The following LRRC37A2 variants were observed in gnomAD, a reference collection of about 807,000 sequenced individuals.
The protein encoded by LRRC37A2 is leucine rich repeat containing 37 member A2, also known as leucine-rich repeat-containing protein 37A2.
In LRRC37A2, 9 loss-of-function variants were observed where a neutral mutation model predicts 68.8. The observed-to-expected ratio is 0.13, with a 90% CI of 0.08 to 0.23. The LOEUF (loss-of-function observed/expected upper bound fraction) is 0.23. Ranked by LOEUF, LRRC37A2 falls within the 10% of genes least tolerant of loss-of-function variation. The probability of loss-of-function intolerance (pLI) is 1.00; values close to 1 mark genes in which losing one functional copy is unlikely to be tolerated. For missense variants in LRRC37A2, 168 were observed against 950.4 expected (o/e 0.18, Z 10.82); for synonymous variants, 63 against 367.6 (o/e 0.17, Z 9.48).
chr17:46,835,828 A>G, the LRRC37A2 span, among the ~76,000 whole-genome samples: 3 of 152,038 alleles, frequency 2.0e-5, no homozygotes, highest in Non-Finnish European at 2.9e-5. Flanking sequence ...TTCACTCCCC[A>G]CCTCTGCACC....
the LRRC37A2 span, among the ~76,000 whole-genome samples, chr17:47,022,168 C>CTTTTTTTTTTTTTTTTTTTTTTT: frequency 3.6e-4 from 7 of 19,716 alleles, no homozygotes; most frequent in African/African-American, 6.8e-4. Flanking sequence ...TTTTTGTTCT[C>CTTTTTTTTTTTTTTTTTTTTTTT]TTTTTTTTTT....
the LRRC37A2 span, chr17:47,024,616 A>G: frequency 1.5e-5 from 16 of 1,054,296 alleles, no homozygotes; most frequent in African/African-American, 2.0e-4. Context: ...TGCAGGAGAC[A>G]GTCCTGTGTA....
the LRRC37A2 span, among the ~76,000 whole-genome samples, chr17:46,995,532 G>A: frequency 6.6e-6 from 1 of 151,918 alleles, no homozygotes; most frequent in Non-Finnish European, 1.5e-5. Flanking sequence ...AAAAAAAGGA[G>A]AGTACTCTTC....
At chr17:46,778,786 C>T in the LRRC37A2 span, among the ~76,000 whole-genome samples, 1 of 152,040 alleles carries the variant, frequency 6.6e-6, no homozygotes, top group Non-Finnish European at 1.5e-5. Context: ...GCTCGAAGCA[C>T]CTCTCCACTG....
chr17:47,047,742 A>T, the LRRC37A2 span, among the ~76,000 whole-genome samples: 2 of 151,876 alleles, frequency 1.3e-5, no homozygotes, highest in African/African-American at 4.8e-5. Context: ...GAAGCCTGAG[A>T]GCTTCTGGTT....
the LRRC37A2 span, among the ~76,000 whole-genome samples, chr17:46,809,693 T>C: frequency 1.2e-4 from 19 of 152,214 alleles, no homozygotes; most frequent in African/African-American, 2.4e-5. Flanking sequence ...AATCTCACTC[T>C]GGGTCTGGCC....
chr17:46,877,991 A>G, the LRRC37A2 span, among the ~76,000 whole-genome samples: 1 of 152,220 alleles, frequency 6.6e-6, no homozygotes, highest in Non-Finnish European at 1.5e-5. Context: ...AGCACCTGCC[A>G]AGGCCCTCTG....
the LRRC37A2 span, among the ~76,000 whole-genome samples, chr17:46,871,078 T>C: frequency 6.6e-6 from 1 of 151,852 alleles, no homozygotes; most frequent in African/African-American, 2.4e-5. Context: ...GCCCACATAA[T>C]TTTTCTATTT....
the LRRC37A2 span, among the ~76,000 whole-genome samples, chr17:46,908,499 G>A: frequency 6.6e-6 from 1 of 152,142 alleles, no homozygotes; most frequent in East Asian, 1.9e-4. Flanking sequence ...GCTGGATGTG[G>A]AAGAGAGAAG....
the LRRC37A2 span, among the ~76,000 whole-genome samples, chr17:46,982,752 T>C: frequency 6.6e-6 from 1 of 152,186 alleles, no homozygotes; most frequent in Admixed American, 6.5e-5. Context: ...GAGAGAGACC[T>C]TGGGCTTGTG....
chr17:46,777,654 G>A, the LRRC37A2 span, among the ~76,000 whole-genome samples: 48 of 152,244 alleles, frequency 3.2e-4, no homozygotes, highest in Non-Finnish European at 6.5e-4. Flanking sequence ...CTTGCTCTGT[G>A]CCAGTCACTT....
At chr17:46,862,155 C>A in the LRRC37A2 span, among the ~76,000 whole-genome samples, 1 of 125,976 alleles carries the variant, frequency 7.9e-6, no homozygotes. Context: ...AAGAGTGAAA[C>A]TCCGTCTCAA....
the LRRC37A2 span, chr17:46,935,633 G>A: frequency 5.0e-5 from 51 of 1,012,822 alleles, no homozygotes; most frequent in Non-Finnish European, 5.8e-5. Flanking sequence ...TGCAGTGTTA[G>A]GGCTGCCTGG....
chr17:46,941,990 T>A, the LRRC37A2 span: 1 of 980,556 alleles, frequency 1.0e-6, no homozygotes, highest in East Asian at 1.1e-4. Context: ...ACTTGTTAAG[T>A]CCAAAATAAA....
chr17:46,656,040 T>C, the LRRC37A2 span, among the ~76,000 whole-genome samples: 1 of 27,296 alleles, frequency 3.7e-5, no homozygotes, highest in Non-Finnish European at 5.8e-5. Flanking sequence ...TTTATGACTT[T>C]TATTATCTTA....
chr17:46,734,243 T>C, the LRRC37A2 span, among the ~76,000 whole-genome samples: 1 of 152,244 alleles, frequency 6.6e-6, no homozygotes, highest in Non-Finnish European at 1.5e-5. Flanking sequence ...TCTCTCCATC[T>C]ATTTGTTCAA....
At chr17:46,851,570 C>G in the LRRC37A2 span, 4 of 870,220 alleles carry the variant, frequency 4.6e-6, no homozygotes, top group African/African-American at 7.1e-5. The surrounding 1 kb of genome is among the most constrained non-coding windows in gnomAD (Gnocchi z 4.3). Context: ...GTCCCGCGGG[C>G]GGGTGGTGGC....
At chr17:46,585,083 T>A in the LRRC37A2 span, among the ~76,000 whole-genome samples, 1 of 75,760 alleles carries the variant, frequency 1.3e-5, no homozygotes, top group African/African-American at 4.6e-5. Context: ...CGGGTGGATC[T>A]CTTGAGGTCA....
chr17:46,814,163 C>T, the LRRC37A2 span, among the ~76,000 whole-genome samples: 1 of 152,154 alleles, frequency 6.6e-6, no homozygotes, highest in South Asian at 2.1e-4. Flanking sequence ...GGGTGATACT[C>T]AGACTCCACC....
Sources: gnomAD v4.1 joint callset for allele counts (sites outside exome capture counted in the v4.1 genomes callset) on GRCh38, gnomAD v4.1.1 for gene constraint, Gnocchi (gnomAD v3.1) non-coding constraint, MANE v1.5 for transcripts, NCBI Gene and HGNC (gene_info 2026-07-23, HGNC 2026-07-21) for gene names.